Variants in LINGO2 observed in about 807,000 individuals in gnomAD.
The protein encoded by LINGO2 is leucine-rich repeat and immunoglobulin-like domain-containing nogo receptor-interacting protein 2.
In LINGO2, 14 loss-of-function variants were observed where a neutral mutation model predicts 30.6. The ratio of observed to expected loss-of-function variants is 0.46; its 90% CI spans 0.30 to 0.72. The LOEUF (loss-of-function observed/expected upper bound fraction) is 0.72, where lower values mean the gene tolerates loss of function less well. Ranked by LOEUF, LINGO2 falls within the 30% of genes least tolerant of loss-of-function variation. The probability of loss-of-function intolerance (pLI) is 0.07; values close to 1 mark genes in which losing one functional copy is unlikely to be tolerated. For missense variants in LINGO2, 729 were observed against 751.7 expected, an observed-to-expected ratio of 0.97 and a Z score of 0.35; for synonymous variants, 317 against 288.5, an observed-to-expected ratio of 1.10 and a Z score of -1.00.
intron 4 of LINGO2, among the ~76,000 whole-genome samples, chr9:28,031,040 A>G (rs1415339328): frequency 6.6e-6 from 1 of 152,164 alleles, no homozygotes; most frequent in Admixed American, 6.5e-5. Context: ...TACTTTCCCA[A>G]TTCTAATATT....
intron 4 of LINGO2, among the ~76,000 whole-genome samples, chr9:28,106,909 C>T (rs529087121): frequency 2.0e-5 from 3 of 152,252 alleles, no homozygotes; most frequent in East Asian, 3.9e-4. Context: ...CGCCTTCTTA[C>T]TCCTGTCTCT....
intron 4 of LINGO2, among the ~76,000 whole-genome samples, chr9:28,017,111 G>A (rs1822878550): frequency 6.6e-6 from 1 of 152,128 alleles, no homozygotes; most frequent in Non-Finnish European, 1.5e-5. Context: ...TTCAATAGAT[G>A]CAGAAAAGGC....
At chr9:28,367,097 T>TATATATATAATATATATA (rs1564153607) in intron 3 of LINGO2, among the ~76,000 whole-genome samples, 1 of 147,190 alleles carries the variant, frequency 6.8e-6, no homozygotes, top group African/African-American at 2.5e-5. Context: ...ATTATAATTT[T>TATATATATAATATATATA]GGTTAAATCA....
intron 4 of LINGO2, among the ~76,000 whole-genome samples, chr9:28,069,586 G>A (rs1407157439): frequency 6.6e-6 from 1 of 152,096 alleles, no homozygotes; most frequent in Non-Finnish European, 1.5e-5. Flanking sequence ...TATTCCTTCC[G>A]AATGCCTTTC....
chr9:28,730,246 G>A, the LINGO2 span, among the ~76,000 whole-genome samples: 1 of 152,116 alleles, frequency 6.6e-6, no homozygotes, highest in Admixed American at 6.5e-5. Context: ...GGAAAAGAGA[G>A]ACTAGGATAA....
chr9:28,303,842 T>C (rs1283288253), intron 3 of LINGO2, among the ~76,000 whole-genome samples: 1 of 151,502 alleles, frequency 6.6e-6, no homozygotes, highest in African/African-American at 2.4e-5. Flanking sequence ...GAGGAAGAGG[T>C]AAAGGAGATA....
chr9:28,963,455 T>C, the LINGO2 span, among the ~76,000 whole-genome samples: 7 of 151,612 alleles, frequency 4.6e-5, no homozygotes, highest in Non-Finnish European at 7.4e-5. Flanking sequence ...AACCCTCATG[T>C]TTACTGTGGC....
chr9:28,675,647 G>C, the LINGO2 span, among the ~76,000 whole-genome samples: 1 of 151,836 alleles, frequency 6.6e-6, no homozygotes, highest in Non-Finnish European at 1.5e-5. Flanking sequence ...GAGACGAGCA[G>C]ATCACCTGAG....
At chr9:28,342,890 T>A (rs1819406339) in intron 3 of LINGO2, among the ~76,000 whole-genome samples, 1 of 152,072 alleles carries the variant, frequency 6.6e-6, no homozygotes, top group South Asian at 2.1e-4. Context: ...ACAGCTAGAA[T>A]TGGTCTCGCT....
chr9:28,763,817 A>C, the LINGO2 span, among the ~76,000 whole-genome samples: 7 of 151,766 alleles, frequency 4.6e-5, no homozygotes, highest in African/African-American at 1.7e-4. Flanking sequence ...GATACAAATA[A>C]ATAAAATCAA....
chr9:28,762,639 C>A, the LINGO2 span, among the ~76,000 whole-genome samples: 1 of 152,050 alleles, frequency 6.6e-6, no homozygotes, highest in Non-Finnish European at 1.5e-5. Flanking sequence ...GCCTAGATAT[C>A]TGCGATCATT....
chr9:28,731,448 A>C, the LINGO2 span, among the ~76,000 whole-genome samples: 1 of 152,292 alleles, frequency 6.6e-6, no homozygotes, highest in South Asian at 2.1e-4. Context: ...CCAAAAAGTT[A>C]TATATTTTAT....
chr9:28,922,738 C>T, the LINGO2 span, among the ~76,000 whole-genome samples: 9 of 152,130 alleles, frequency 5.9e-5, no homozygotes, highest in African/African-American at 1.9e-4. Flanking sequence ...CTTTGCGACA[C>T]GGGTTAGAAA....
chr9:28,418,377 C>T (rs796505054), intron 2 of LINGO2, among the ~76,000 whole-genome samples: 1 of 145,786 alleles, frequency 6.9e-6, no homozygotes, highest in African/African-American at 2.6e-5. Context: ...CTCCCATGTT[C>T]AAGACATTCT....
At chr9:28,797,860 C>T in the LINGO2 span, among the ~76,000 whole-genome samples, 2 of 151,950 alleles carry the variant, frequency 1.3e-5, no homozygotes, top group Non-Finnish European at 1.5e-5. Flanking sequence ...AAACCTGGAG[C>T]ACTCAGTATT....
intron 3 of LINGO2, among the ~76,000 whole-genome samples, chr9:28,358,146 A>G (rs192121812): frequency 1.3e-5 from 2 of 152,264 alleles, no homozygotes; most frequent in Admixed American, 6.5e-5. Context: ...CATAACAGTA[A>G]AACTTATCGA....
At chr9:27,950,679 CTT>C (rs1370741894) in exon 6 of LINGO2, 23 of 1,504,338 alleles carry the variant, frequency 1.5e-5, no homozygotes, top group South Asian at 9.8e-5. Context: ...CATGACTCCA[CTT>C]CTTAGTCTAC....
chr9:28,071,773 G>A (rs534545838), intron 4 of LINGO2, among the ~76,000 whole-genome samples: 25 of 151,950 alleles, frequency 1.6e-4, no homozygotes, highest in Admixed American at 2.0e-4. Context: ...CTTTCTGTGC[G>A]TCATTCTCTT....
At chr9:28,657,178 T>G (rs1372233551) in intron 1 of LINGO2, among the ~76,000 whole-genome samples, 1 of 152,140 alleles carries the variant, frequency 6.6e-6, no homozygotes, top group Non-Finnish European at 1.5e-5. Flanking sequence ...TCTTTAATTT[T>G]GGTAATATAT....
Sources: gnomAD v4.1 joint callset for allele counts (sites outside exome capture counted in the v4.1 genomes callset) on GRCh38, gnomAD v4.1.1 for gene constraint, MANE v1.5 for transcripts, NCBI Gene and HGNC (gene_info 2026-07-23, HGNC 2026-07-21) for gene names.